The following NOX4 variants were observed in gnomAD, a reference collection of about 807,000 sequenced individuals.
NOX4 encodes the protein kidney oxidase-1.
In NOX4, 69 loss-of-function variants were observed where a neutral mutation model predicts 87.6. That is an observed-to-expected ratio of 0.79 (90% CI 0.65 to 0.96). The LOEUF is 0.96. Among genes scored for constraint, NOX4 ranks in the 40% least tolerant of loss-of-function variants. The probability of loss-of-function intolerance (pLI) is 0.00; values close to 1 mark genes in which losing one functional copy is unlikely to be tolerated. For synonymous variants in NOX4, 275 were observed against 238.2 expected (o/e 1.15, Z -1.42); for missense variants, 680 against 681.5 (o/e 1.00, Z 0.02).
At chr11:89,528,616 T>C in the NOX4 span, among the ~76,000 whole-genome samples, 1 of 152,194 alleles carries the variant, frequency 6.6e-6, no homozygotes, top group Non-Finnish European at 1.5e-5. Flanking sequence ...CTTCCCCTCT[T>C]TACTCAGCAC....
At chr11:89,487,406 C>G (rs2135489274) in intron 2 of NOX4, among the ~76,000 whole-genome samples, 1 of 150,394 alleles carries the variant, frequency 6.6e-6, no homozygotes, top group South Asian at 2.1e-4. Context: ...TCTGTGTCTT[C>G]CAATAAATGG....
At chr11:89,508,313 G>T in the NOX4 span, among the ~76,000 whole-genome samples, 1 of 152,086 alleles carries the variant, frequency 6.6e-6, no homozygotes, top group Non-Finnish European at 1.5e-5. Flanking sequence ...TCTCTGACAA[G>T]TGTCACTCTT....
At chr11:89,388,950 C>CATA (rs1940917662) in intron 11 of NOX4, among the ~76,000 whole-genome samples, 2 of 152,150 alleles carry the variant, frequency 1.3e-5, no homozygotes, top group South Asian at 4.1e-4. Flanking sequence ...AAGTTGCTAT[C>CATA]ATTAACTGCA....
chr11:89,398,756 A>G (rs560260149), intron 11 of NOX4, among the ~76,000 whole-genome samples: 1 of 151,882 alleles, frequency 6.6e-6, no homozygotes. Flanking sequence ...TCTGTTCTCA[A>G]TTATCTTTCT....
intron 12 of NOX4, among the ~76,000 whole-genome samples, chr11:89,360,442 T>C (rs1043708404): frequency 5.3e-5 from 8 of 152,074 alleles, no homozygotes; most frequent in African/African-American, 1.7e-4. Context: ...ACCAGAGATA[T>C]GTACTCCCTG....
the NOX4 span, among the ~76,000 whole-genome samples, chr11:89,571,309 CTTT>C: frequency 1.4e-5 from 2 of 144,486 alleles, no homozygotes; most frequent in Admixed American, 6.9e-5. Flanking sequence ...CTGATTTATA[CTTT>C]TTTTTTTTTT....
intron 2 of NOX4, among the ~76,000 whole-genome samples, chr11:89,456,642 A>C (rs79512697): frequency 6.6e-6 from 1 of 152,138 alleles, no homozygotes; most frequent in Non-Finnish European, 1.5e-5. Flanking sequence ...TGAGCTAAAC[A>C]GGTGAGGAGT....
At chr11:89,519,689 A>C in the NOX4 span, among the ~76,000 whole-genome samples, 1 of 152,096 alleles carries the variant, frequency 6.6e-6, no homozygotes, top group African/African-American at 2.4e-5. Flanking sequence ...AAAGTCGTTA[A>C]AATCCTGCAG....
chr11:89,432,078 A>T (rs1406440740), intron 7 of NOX4, among the ~76,000 whole-genome samples: 1 of 151,928 alleles, frequency 6.6e-6, no homozygotes, highest in Non-Finnish European at 1.5e-5. Flanking sequence ...GGAAACCAAC[A>T]TTCTCAGCAA....
chr11:89,473,427 T>G (rs1946029110), intron 2 of NOX4, among the ~76,000 whole-genome samples: 1 of 147,926 alleles, frequency 6.8e-6, no homozygotes. Context: ...CCTCTGAAAA[T>G]TAGAAGCCAA....
Position 89,451,887 on chromosome 11 carries a change from C to G in NOX4, c.162G>C (p.Leu54Phe). ...CAGATGCTGAGGCTCTGCTTAGACACAATCCTAGCTGAACAAATAAGGCAA... is the reference window on the plus strand; with the variant it reads ...CAGATGCTGAGGCTCTGCTTAGACAGAATCCTAGCTGAACAAATAAGGCAA... ...HYLHQMLGLG[L>F]CLSRASASVL... Residue 54 changes from leucine to phenylalanine, a missense_variant, in exon 3 of 18, where the codon TTG becomes TTC. Physicochemically the swap from Leu to Phe is conservative, Grantham distance 22 (BLOSUM62 0). Transcript: ENST00000263317. 1 of 1,610,750 alleles carries G rather than the reference C, an allele frequency of 6.2e-7. No homozygotes were observed. Among genetic ancestry groups the G allele is most frequent in the Non-Finnish European group, 8.5e-7 (1 of 1,177,256 alleles).
At chr11:89,464,401 T>C (rs765940734) in intron 2 of NOX4, among the ~76,000 whole-genome samples, 11 of 152,172 alleles carry the variant, frequency 7.2e-5, no homozygotes, top group Non-Finnish European at 1.0e-4. Context: ...AAGGTTCTCA[T>C]TCAGAAGCAG....
intron 8 of NOX4, among the ~76,000 whole-genome samples, chr11:89,420,395 C>G (rs1943019665): frequency 6.6e-6 from 1 of 151,908 alleles, no homozygotes; most frequent in Non-Finnish European, 1.5e-5. Flanking sequence ...GACAGGTAAC[C>G]AATCCCATTT....
Position 89,325,184 on chromosome 11 carries a change from G to A in NOX4, c.*1572C>T, listed in dbSNP as rs1227464053. 1 of 138,478 alleles carries A rather than the reference G, an allele frequency of 7.2e-6. No individual in the cohort carries two copies. The highest frequency in any genetic ancestry group is 2.1e-4 in the East Asian group (1 of 4,662). The allele number at this position is 138,478 out of a possible 1,614,324, so 8.6% of individuals were successfully genotyped here. On this transcript the variant is annotated 3_prime_UTR_variant, in exon 18 of 18. Coordinates refer to ENST00000263317, the MANE Select transcript of NOX4 (RefSeq NM_016931.5). ...CTGTCACCCAGGCTGGAGTGCAGTGGTGCAATCTTGGCTCACTGCAACCTC... is the reference window on the plus strand; with the variant it reads ...CTGTCACCCAGGCTGGAGTGCAGTGATGCAATCTTGGCTCACTGCAACCTC...
At chr11:89,327,791 C>T (rs1029997560) in intron 17 of NOX4, among the ~76,000 whole-genome samples, 1 of 151,888 alleles carries the variant, frequency 6.6e-6, no homozygotes, top group Non-Finnish European at 1.5e-5. Context: ...AAACTTTTTA[C>T]CTTGAAAAAT....
chr11:89,408,254 A>T (rs1942293543), intron 8 of NOX4, among the ~76,000 whole-genome samples: 1 of 152,184 alleles, frequency 6.6e-6, no homozygotes, highest in South Asian at 2.1e-4. Flanking sequence ...TGATTAACTT[A>T]GTGACCAGAA....
At chr11:89,364,877 C>T (rs1310244504) in intron 12 of NOX4, among the ~76,000 whole-genome samples, 3 of 152,062 alleles carry the variant, frequency 2.0e-5, no homozygotes, top group Non-Finnish European at 2.9e-5. Context: ...GACAAGGAAA[C>T]TAAAAACCAA....
At chr11:89,339,645 T>C (rs1392125088) in intron 15 of NOX4, among the ~76,000 whole-genome samples, 1 of 152,138 alleles carries the variant, frequency 6.6e-6, no homozygotes, top group Non-Finnish European at 1.5e-5. Flanking sequence ...TCTGGTGATT[T>C]GCAGTATTAA....
chr11:89,560,996 C>CTCTCTA, the NOX4 span, among the ~76,000 whole-genome samples: 56 of 40,794 alleles, frequency 1.4e-3, no homozygotes, highest in African/African-American at 1.7e-3. Flanking sequence ...CTCTCTCTCT[C>CTCTCTA]TATATATATA....
Sources: allele counts gnomAD v4.1 joint callset (sites outside exome capture counted in the v4.1 genomes callset), GRCh38; gene constraint gnomAD v4.1.1; transcripts MANE v1.5; gene names NCBI Gene and HGNC (gene_info 2026-07-23, HGNC 2026-07-21).